SYNPR: variants seen among roughly 807,000 people sequenced by gnomAD.
The protein encoded by SYNPR is synaptoporin.
A neutral mutation model predicts 32.9 loss-of-function variants in SYNPR; 23 were observed. The ratio of observed to expected loss-of-function variants is 0.70; its 90% CI spans 0.50 to 0.99. The LOEUF (loss-of-function observed/expected upper bound fraction) is 0.99, where lower values mean the gene tolerates loss of function less well. Among genes scored for constraint, SYNPR ranks in the 50% least tolerant of loss-of-function variants. SYNPR has a pLI of 0.00. For synonymous variants in SYNPR, 146 were observed against 135.9 expected (o/e 1.07, Z -0.52); for missense variants, 318 against 349.3 (o/e 0.91, Z 0.71).
chr3:63,398,963 A>G (rs1195942862), intron 2 of SYNPR, among the ~76,000 whole-genome samples: 1 of 152,194 alleles, frequency 6.6e-6, no homozygotes, highest in African/African-American at 2.4e-5. Flanking sequence ...TGACTTAAGC[A>G]GAAGGACAGT....
intron 4 of SYNPR, among the ~76,000 whole-genome samples, chr3:63,559,987 A>G (rs1216160281): frequency 6.6e-6 from 1 of 152,242 alleles, no homozygotes; most frequent in Non-Finnish European, 1.5e-5. Flanking sequence ...ATTTCGTTAT[A>G]TAAAACCACA....
intron 3 of SYNPR, among the ~76,000 whole-genome samples, chr3:63,486,476 T>G (rs1215346585): frequency 1.3e-5 from 2 of 152,178 alleles, no homozygotes. Flanking sequence ...TTTCATTATC[T>G]TTTTTACCTT....
At chr3:63,591,235 T>C (rs1703295336) in intron 4 of SYNPR, among the ~76,000 whole-genome samples, 2 of 134,106 alleles carry the variant, frequency 1.5e-5, no homozygotes, top group South Asian at 2.8e-4. Context: ...ATCAGAGAAA[T>C]GCAAATCAAA....
intron 2 of SYNPR, among the ~76,000 whole-genome samples, chr3:63,472,721 C>T (rs578123407): frequency 2.4e-4 from 37 of 152,204 alleles, no homozygotes; most frequent in Non-Finnish European, 3.7e-4. Context: ...TTCCACCTTC[C>T]GCCAATCCAC....
intron 2 of SYNPR, among the ~76,000 whole-genome samples, chr3:63,325,568 C>T (rs2087157279): frequency 6.6e-6 from 1 of 152,140 alleles, no homozygotes; most frequent in Admixed American, 6.5e-5. Flanking sequence ...CTAGCTGGTT[C>T]TCCATCTGGA....
chr3:63,303,715 T>C (rs1200663913), intron 2 of SYNPR, among the ~76,000 whole-genome samples: 1 of 152,058 alleles, frequency 6.6e-6, no homozygotes, highest in Non-Finnish European at 1.5e-5. Context: ...TTTAAACGTG[T>C]GTAAAATACT....
In SYNPR at chr3:63,410,108, T is replaced by C. The variant is rs1231867038; in HGVS notation, c.85-70724T>C. Among the ~76,000 whole-genome samples the C allele has an allele frequency of 3.3e-5, 5 of 152,180 alleles. No individual in the cohort carries two copies. The East Asian group carries it at 9.6e-4, about 29-fold the overall frequency. On this transcript the variant is annotated intron_variant, in intron 2 of 5. Transcript: ENST00000478300. The stretch of plus-strand genomic sequence containing the variant: ...GTTAACACAGCTTCACCTTGCTCAT[T>C]GTGATTAATATGGAAGTCACTCATT...
intron 4 of SYNPR, among the ~76,000 whole-genome samples, chr3:63,560,587 G>T (rs1305329260): frequency 1.3e-5 from 2 of 152,186 alleles, no homozygotes; most frequent in African/African-American, 2.4e-5. Flanking sequence ...CTGCTTTAAA[G>T]AATGGCCTGA....
At chr3:63,504,514 A>G (rs1185100914) in intron 3 of SYNPR, among the ~76,000 whole-genome samples, 1 of 152,154 alleles carries the variant, frequency 6.6e-6, no homozygotes, top group African/African-American at 2.4e-5. Flanking sequence ...TTTATCTACA[A>G]GTCAGTCATT....
chr3:63,205,909 C>G, the SYNPR span, among the ~76,000 whole-genome samples: 1 of 152,154 alleles, frequency 6.6e-6, no homozygotes, highest in East Asian at 1.9e-4. Flanking sequence ...TTAAATACAG[C>G]GGTGAAAATC....
upstream of SYNPR, among the ~76,000 whole-genome samples, chr3:63,273,319 T>C (rs1262849800): frequency 6.6e-6 from 1 of 152,206 alleles, no homozygotes; most frequent in Non-Finnish European, 1.5e-5. Context: ...AAGACCTTAG[T>C]TGAGATTTTT....
chr3:63,256,917 C>G (rs571337088), intron 2 of SYNPR, among the ~76,000 whole-genome samples: 1 of 151,988 alleles, frequency 6.6e-6, no homozygotes. Context: ...AACTACGTGA[C>G]GAATGCACAA....
intron 2 of SYNPR, among the ~76,000 whole-genome samples, chr3:63,257,679 G>C (rs1274233120): frequency 6.6e-6 from 1 of 152,060 alleles, no homozygotes; most frequent in Non-Finnish European, 1.5e-5. Context: ...AAAATAACCA[G>C]CTAACATCAT....
rs2088317826 is a variant in SYNPR at position 63,403,391 on chromosome 3, C to T, written c.85-77441C>T. Among the ~76,000 whole-genome samples, 3 of 150,752 alleles carry T rather than the reference C, an allele frequency of 2.0e-5. No homozygotes were observed. In the Admixed American group the frequency reaches 2.0e-4, roughly 10 times the overall value. On this transcript the variant is annotated intron_variant, in intron 2 of 5. Transcript: ENST00000478300. ...TTTTATATAAATATATATATATGTACATACATATATATACACACACACACA... is the reference window on the plus strand; with the variant it reads ...TTTTATATAAATATATATATATGTATATACATATATATACACACACACACA...
At chr3:63,412,064 A>T (rs1384289183) in intron 2 of SYNPR, among the ~76,000 whole-genome samples, 1 of 152,088 alleles carries the variant, frequency 6.6e-6, no homozygotes, top group African/African-American at 2.4e-5. Flanking sequence ...AGTAGAGTAG[A>T]TTGGAGATAG....
intron 3 of SYNPR, among the ~76,000 whole-genome samples, chr3:63,515,138 G>A (rs536840147): frequency 8.9e-4 from 136 of 152,126 alleles, no homozygotes; most frequent in African/African-American, 3.1e-3. Flanking sequence ...CTGCATTTCC[G>A]TCAGTTTTAT....
upstream of SYNPR, among the ~76,000 whole-genome samples, chr3:63,274,706 C>T (rs2086560550): frequency 6.6e-6 from 1 of 152,188 alleles, no homozygotes; most frequent in African/African-American, 2.4e-5. Flanking sequence ...TGAAGTTTCT[C>T]TACCTTGGCA....
At chr3:63,547,383 C>T (rs17399163) in intron 3 of SYNPR, among the ~76,000 whole-genome samples, 5 of 152,110 alleles carry the variant, frequency 3.3e-5, no homozygotes, top group Admixed American at 6.6e-5. Flanking sequence ...GTCCCTACTT[C>T]GAATTTGTCT....
At chr3:63,430,023 C>T (rs962396334) in intron 2 of SYNPR, among the ~76,000 whole-genome samples, 2 of 152,180 alleles carry the variant, frequency 1.3e-5, no homozygotes, top group African/African-American at 4.8e-5. Context: ...GTATGAAAGG[C>T]TTGGTGACAT....
Sources: gnomAD v4.1 joint callset for allele counts (sites outside exome capture counted in the v4.1 genomes callset) on GRCh38, gnomAD v4.1.1 for gene constraint, MANE v1.5 for transcripts, NCBI Gene and HGNC (gene_info 2026-07-23, HGNC 2026-07-21) for gene names.